Variants in CACNB2 observed in about 807,000 individuals in gnomAD.
CACNB2 encodes the protein calcium voltage-gated channel auxiliary subunit beta 2, also known as voltage-dependent L-type calcium channel subunit beta-2.
Under a neutral mutation model 73.3 loss-of-function variants are expected in CACNB2, and 42 were observed. That is an observed-to-expected ratio of 0.57 (90% CI 0.45 to 0.74). The LOEUF is 0.74. Ranked by LOEUF, CACNB2 falls within the 30% of genes least tolerant of loss-of-function variation. The pLI, the probability that CACNB2 is intolerant of heterozygous loss-of-function variation, is 0.00. For synonymous variants in CACNB2, 348 were observed against 310.3 expected, an observed-to-expected ratio of 1.12 and a Z score of -1.28; for missense variants, 940 against 853.0, an observed-to-expected ratio of 1.10 and a Z score of -1.27.
At chr10:18,178,984 T>C (rs2033741283) in intron 2 of CACNB2, among the ~76,000 whole-genome samples, 1 of 152,130 alleles carries the variant, frequency 6.6e-6, no homozygotes, top group Admixed American at 6.5e-5. Context: ...CTTGAGACTC[T>C]TTTTTTAAAG....
intron 2 of CACNB2, among the ~76,000 whole-genome samples, chr10:18,276,901 C>T (rs1047073078): frequency 1.3e-5 from 2 of 152,072 alleles, no homozygotes; most frequent in African/African-American, 4.8e-5. Context: ...CTTTTGAGGC[C>T]ATGAGTTCAA....
intron 3 of CACNB2, among the ~76,000 whole-genome samples, chr10:18,403,254 T>C (rs922397462): frequency 1.3e-5 from 2 of 152,206 alleles, no homozygotes; most frequent in African/African-American, 4.8e-5. Context: ...TTGCCATCAA[T>C]GAATCTGCTC....
At chr10:18,440,493 G>GA (rs2046360061) in intron 3 of CACNB2, among the ~76,000 whole-genome samples, 1 of 148,770 alleles carries the variant, frequency 6.7e-6, no homozygotes, top group Non-Finnish European at 1.5e-5. Context: ...AACATAGTGT[G>GA]ACCCCTCATG....
At chr10:18,289,038 C>T (rs1399857250) in intron 2 of CACNB2, among the ~76,000 whole-genome samples, 1 of 152,044 alleles carries the variant, frequency 6.6e-6, no homozygotes, top group African/African-American at 2.4e-5. Context: ...GAGCAAGACT[C>T]CATCTCAAAA....
intron 3 of CACNB2, among the ~76,000 whole-genome samples, chr10:18,402,760 G>T (rs1242563754): frequency 6.6e-6 from 1 of 152,180 alleles, no homozygotes; most frequent in Non-Finnish European, 1.5e-5. Context: ...AGCATAGATT[G>T]TTCGAGTTGA....
At chr10:18,517,508 C>T (rs1303786934) in intron 7 of CACNB2, among the ~76,000 whole-genome samples, 1 of 152,112 alleles carries the variant, frequency 6.6e-6, no homozygotes, top group Non-Finnish European at 1.5e-5. Flanking sequence ...AGAAAGATGT[C>T]ATTAGTTATC....
chr10:18,370,644 A>T (rs2042542028), intron 2 of CACNB2, among the ~76,000 whole-genome samples: 1 of 152,178 alleles, frequency 6.6e-6, no homozygotes, highest in Non-Finnish European at 1.5e-5. Flanking sequence ...TAATAAACTC[A>T]TTACCATTTA....
intron 2 of CACNB2, among the ~76,000 whole-genome samples, chr10:18,315,412 G>C (rs539770870): frequency 2.1e-5 from 3 of 140,544 alleles, no homozygotes; most frequent in Non-Finnish European, 4.5e-5. Context: ...TGTAATCCCA[G>C]TGCTTTGGGA....
intron 2 of CACNB2, among the ~76,000 whole-genome samples, chr10:18,302,465 G>A (rs549493652): frequency 1.4e-4 from 21 of 152,290 alleles, no homozygotes; most frequent in Middle Eastern, 3.4e-3. Context: ...ATCAATAAAC[G>A]AGTGGATAGA....
intron 2 of CACNB2, among the ~76,000 whole-genome samples, chr10:18,289,284 G>GTTTTTTTTTTTTTTTTTT (rs1489491866): frequency 9.4e-5 from 8 of 85,542 alleles, no homozygotes; most frequent in African/African-American, 1.7e-4. Context: ...TTTTTTTCTT[G>GTTTTTTTTTTTTTTTTTT]TTTTTTTGTT....
At position 18,225,996 on chromosome 10, in the gene CACNB2, G is replaced by A. The variant is rs148985280; in HGVS notation, c.213+75021G>A. On this transcript the variant is annotated intron_variant, in intron 2 of 13. Transcript: ENST00000324631. ...TGGAGGGCAGGCTAGCATGATGAGAGATGCTTTTTTTTAATTTTCTTTTCT... is the reference window on the plus strand; with the variant it reads ...TGGAGGGCAGGCTAGCATGATGAGAAATGCTTTTTTTTAATTTTCTTTTCT... Among the ~76,000 whole-genome samples the A allele has an allele frequency of 2.6e-5, 4 of 151,446 alleles. No individual in the cohort carries two copies. In the East Asian group the frequency reaches 7.8e-4, roughly 29 times the overall value.
intron 2 of CACNB2, among the ~76,000 whole-genome samples, chr10:18,178,162 C>G (rs960500815): frequency 6.6e-6 from 1 of 152,096 alleles, no homozygotes; most frequent in Non-Finnish European, 1.5e-5. Flanking sequence ...GTAATGTAGA[C>G]TGGAGTATGA....
chr10:18,147,913 A>G (rs999783502), intron 1 of CACNB2, among the ~76,000 whole-genome samples: 13 of 152,146 alleles, frequency 8.5e-5, no homozygotes, highest in Admixed American at 2.0e-4. Context: ...TTAAATACAC[A>G]TTAGATTAAA....
intron 3 of CACNB2, among the ~76,000 whole-genome samples, chr10:18,456,440 G>C (rs751481028): frequency 2.6e-5 from 4 of 152,114 alleles, no homozygotes; most frequent in Non-Finnish European, 5.9e-5. Flanking sequence ...CTCCAGCCTG[G>C]ATGACAGAGC....
At chr10:18,150,003 A>T (rs991438042) in intron 1 of CACNB2, among the ~76,000 whole-genome samples, 2 of 152,210 alleles carry the variant, frequency 1.3e-5, no homozygotes, top group African/African-American at 2.4e-5. Context: ...AAGATTTGCT[A>T]TGTCCAGGAT....
At chr10:18,278,378 A>G (rs2038388414) in intron 2 of CACNB2, among the ~76,000 whole-genome samples, 1 of 152,126 alleles carries the variant, frequency 6.6e-6, no homozygotes, top group Non-Finnish European at 1.5e-5. Flanking sequence ...ATGAGTCTGC[A>G]TTGATGTGGC....
intron 2 of CACNB2, among the ~76,000 whole-genome samples, chr10:18,376,854 T>A (rs2042820355): frequency 6.6e-6 from 1 of 152,230 alleles, no homozygotes; most frequent in Non-Finnish European, 1.5e-5. Flanking sequence ...TTTATAGTCA[T>A]GCTGACCTTA....
intron 3 of CACNB2, among the ~76,000 whole-genome samples, chr10:18,452,358 G>A (rs1487594553): frequency 1.3e-5 from 2 of 152,128 alleles, no homozygotes; most frequent in Non-Finnish European, 2.9e-5. Context: ...AGCCCAGGAG[G>A]CTGAGGCTGC....
chr10:18,249,025 A>G (rs993586424), intron 2 of CACNB2, among the ~76,000 whole-genome samples: 1 of 151,892 alleles, frequency 6.6e-6, no homozygotes, highest in Non-Finnish European at 1.5e-5. Context: ...TGGCCAGTCC[A>G]CTCACCTACT....
Sources: allele counts gnomAD v4.1 joint callset (sites outside exome capture counted in the v4.1 genomes callset), GRCh38; gene constraint gnomAD v4.1.1; transcripts MANE v1.5; gene names NCBI Gene and HGNC (gene_info 2026-07-23, HGNC 2026-07-21).